CDH18: variants seen among roughly 807,000 people sequenced by gnomAD.
CDH18 encodes the protein cadherin-18.
A neutral mutation model predicts 67.9 loss-of-function variants in CDH18; 31 were observed. The ratio of observed to expected loss-of-function variants is 0.46; its 90% confidence interval spans 0.34 to 0.62. The LOEUF (loss-of-function observed/expected upper bound fraction) is 0.62. Ranked by LOEUF, CDH18 falls within the 20% of genes least tolerant of loss-of-function variation. The pLI is 0.01. For missense variants in CDH18, 890 were observed against 975.5 expected, an observed-to-expected ratio of 0.91 and a Z score of 1.17; for synonymous variants, 362 against 347.2, an observed-to-expected ratio of 1.04 and a Z score of -0.48.
intron 1 of CDH18, among the ~76,000 whole-genome samples, chr5:20,562,720 C>T (rs2471125): frequency 0.27 from 41,541 of 151,320 alleles, 7,149 homozygotes; most frequent in African/African-American, 0.49. Context: ...TTTAAAACAG[C>T]GTTGTGGAAT....
At chr5:20,208,144 T>C (rs1487174028) in intron 2 of CDH18, among the ~76,000 whole-genome samples, 1 of 152,104 alleles carries the variant, frequency 6.6e-6, no homozygotes, top group Admixed American at 6.6e-5. Context: ...TCTGCATGGC[T>C]GGGAAGGCCT....
chr5:19,574,354 G>A (rs1166064886), intron 7 of CDH18, among the ~76,000 whole-genome samples: 3 of 152,106 alleles, frequency 2.0e-5, no homozygotes, highest in Admixed American at 6.6e-5. Context: ...CAGAACTGAC[G>A]GATGGATGGA....
intron 1 of CDH18, among the ~76,000 whole-genome samples, chr5:20,455,251 T>G (rs976970251): frequency 6.6e-6 from 1 of 151,998 alleles, no homozygotes; most frequent in African/African-American, 2.4e-5. Flanking sequence ...TGTTGGGAAG[T>G]GTCATCTTAG....
intron 1 of CDH18, among the ~76,000 whole-genome samples, chr5:20,347,986 G>A (rs936687057): frequency 2.6e-5 from 4 of 152,102 alleles, no homozygotes; most frequent in Non-Finnish European, 5.9e-5. Flanking sequence ...ATGTCTGCAT[G>A]TCTCATTCTT....
chr5:19,848,746 G>C (rs1581631697), intron 2 of CDH18, among the ~76,000 whole-genome samples: 1 of 151,772 alleles, frequency 6.6e-6, no homozygotes, highest in Non-Finnish European at 1.5e-5. Flanking sequence ...AGAAGTGCAG[G>C]TGAGAAATGA....
rs1171436446 is a variant in CDH18 at position 19,473,217 on chromosome 5, A to C, written c.*9T>G. 1 of 1,610,806 alleles carries C rather than the reference A, an allele frequency of 6.2e-7. No homozygotes were observed. Among genetic ancestry groups the C allele is most frequent in the Admixed American group, 1.7e-5 (1 of 59,790 alleles). The stretch of plus-strand genomic sequence containing the variant: ...AAGCAAATTCCACAAGGTTGCAAGA[A>C]CTGACCCCCTAAGTTGTTCTTTCAG... On this transcript the variant is annotated 3_prime_UTR_variant, in exon 13 of 13. Coordinates refer to ENST00000382275, the MANE Select transcript of CDH18 (RefSeq NM_004934.5).
At chr5:19,573,988 A>G (rs1452781277) in intron 7 of CDH18, among the ~76,000 whole-genome samples, 2 of 152,178 alleles carry the variant, frequency 1.3e-5, no homozygotes, top group African/African-American at 4.8e-5. Flanking sequence ...TTTTCTAGGA[A>G]TGCTTAACAT....
intron 5 of CDH18, among the ~76,000 whole-genome samples, chr5:19,614,954 T>C (rs1749575886): frequency 1.3e-5 from 2 of 152,130 alleles, no homozygotes; most frequent in Admixed American, 1.3e-4. Flanking sequence ...CAGACCATCC[T>C]GGCTAACATG....
chr5:20,006,073 C>T (rs1006933944), intron 2 of CDH18, among the ~76,000 whole-genome samples: 2 of 151,812 alleles, frequency 1.3e-5, no homozygotes, highest in African/African-American at 2.4e-5. Flanking sequence ...TAACACACTA[C>T]ATAATATGTC....
chr5:20,155,678 G>C (rs180977546), intron 2 of CDH18, among the ~76,000 whole-genome samples: 1 of 152,112 alleles, frequency 6.6e-6, no homozygotes, highest in Admixed American at 6.6e-5. Context: ...ATTTTCCTAG[G>C]TTTCCTTCTA....
At chr5:20,489,010 T>C (rs1182864879) in intron 1 of CDH18, among the ~76,000 whole-genome samples, 1 of 152,064 alleles carries the variant, frequency 6.6e-6, no homozygotes, top group Non-Finnish European at 1.5e-5. Context: ...ATTCCTCAGA[T>C]GTAGTTAAGA....
At chr5:19,652,149 T>C (rs1299419536) in intron 5 of CDH18, among the ~76,000 whole-genome samples, 1 of 152,116 alleles carries the variant, frequency 6.6e-6, no homozygotes, top group East Asian at 1.9e-4. Context: ...AATATAATTA[T>C]TATATTCACA....
chr5:19,771,837 G>C (rs1240072990), intron 3 of CDH18, among the ~76,000 whole-genome samples: 1 of 152,098 alleles, frequency 6.6e-6, no homozygotes, highest in African/African-American at 2.4e-5. Flanking sequence ...GTTGTCAGGG[G>C]CAGGAGTGTA....
chr5:19,733,867 C>T (rs1277423937), intron 4 of CDH18, among the ~76,000 whole-genome samples: 1 of 152,220 alleles, frequency 6.6e-6, no homozygotes, highest in African/African-American at 2.4e-5. Flanking sequence ...GGTGACACAT[C>T]TGATCTTACT....
At chr5:19,956,771 TG>T (rs1442775000) in intron 2 of CDH18, among the ~76,000 whole-genome samples, 3 of 151,916 alleles carry the variant, frequency 2.0e-5, no homozygotes, top group African/African-American at 7.2e-5. Context: ...AAAATATATA[TG>T]TTTTTAATTT....
At chr5:19,865,377 T>A (rs1252532456) in intron 2 of CDH18, among the ~76,000 whole-genome samples, 4 of 152,090 alleles carry the variant, frequency 2.6e-5, no homozygotes, top group Non-Finnish European at 5.9e-5. Flanking sequence ...AAAAATATAG[T>A]TTTGTTACTT....
At chr5:20,010,362 A>G (rs1737317585) in intron 2 of CDH18, among the ~76,000 whole-genome samples, 1 of 151,900 alleles carries the variant, frequency 6.6e-6, no homozygotes, top group Non-Finnish European at 1.5e-5. Flanking sequence ...GGCATGCACC[A>G]CCACGCCCCA....
chr5:20,555,407 T>G (rs1757843687), intron 1 of CDH18, among the ~76,000 whole-genome samples: 1 of 103,312 alleles, frequency 9.7e-6, no homozygotes, highest in Non-Finnish European at 2.0e-5. Context: ...GACAAGCTTT[T>G]CTTTTTTTTT....
intron 5 of CDH18, among the ~76,000 whole-genome samples, chr5:19,662,554 A>T (rs1282988487): frequency 1.3e-5 from 2 of 152,002 alleles, no homozygotes; most frequent in African/African-American, 4.8e-5. Context: ...GTAGCTTGGG[A>T]TGTCTTGTCC....
Sources: allele counts gnomAD v4.1 joint callset (sites outside exome capture counted in the v4.1 genomes callset), GRCh38; gene constraint gnomAD v4.1.1; transcripts MANE v1.5; gene names NCBI Gene and HGNC (gene_info 2026-07-23, HGNC 2026-07-21).